Variants in CACNA2D3 observed in about 807,000 individuals in gnomAD.
CACNA2D3 encodes the protein voltage-dependent calcium channel subunit alpha-2/delta-3.
Under a neutral mutation model 160.6 loss-of-function variants are expected in CACNA2D3, and 60 were observed. The observed-to-expected ratio is 0.37, with a 90% CI of 0.30 to 0.46. The LOEUF is 0.46. Ranked by LOEUF, CACNA2D3 falls within the 20% of genes least tolerant of loss-of-function variation. CACNA2D3 has a pLI of 1.00. For missense variants in CACNA2D3, 1,205 were observed against 1,365.0 expected, an observed-to-expected ratio of 0.88 and a Z score of 1.85; for synonymous variants, 558 against 492.9, an observed-to-expected ratio of 1.13 and a Z score of -1.75.
In CACNA2D3 at chr3:54,794,607, T is replaced by A. The variant is rs36080102; in HGVS notation, c.1381-22246T>A. 8.3e-3 allele frequency among the ~76,000 whole-genome samples: 1,184 copies of A among 143,226 alleles called. 16 individuals are homozygous for A. Among genetic ancestry groups the A allele is most frequent in the African/African-American group, 0.025 (946 of 37,676 alleles). 94.0% of individuals were successfully genotyped at this position (143,226 alleles called of 152,430 possible). ...TGGCAGTGAGTTCTCTCAGATATAT[T>A]TTTTTTTTTTTTGGTATGAAAGCAT... On this transcript the variant is annotated intron_variant, in intron 13 of 37. Coordinates refer to ENST00000474759, the MANE Select transcript of CACNA2D3 (RefSeq NM_018398.3).
chr3:54,808,773 A>G (rs1005010554), intron 13 of CACNA2D3, among the ~76,000 whole-genome samples: 2 of 152,158 alleles, frequency 1.3e-5, no homozygotes, highest in East Asian at 3.9e-4. Flanking sequence ...CTCAGACCCT[A>G]TCATTTCTTC....
chr3:54,385,045 T>TA (rs1699165932), intron 3 of CACNA2D3, among the ~76,000 whole-genome samples: 1 of 152,108 alleles, frequency 6.6e-6, no homozygotes, highest in South Asian at 2.1e-4. Context: ...TTTACAAAGT[T>TA]AAATAAGAGT....
chr3:54,704,381 A>G (rs1456105248), intron 11 of CACNA2D3, among the ~76,000 whole-genome samples: 1 of 152,222 alleles, frequency 6.6e-6, no homozygotes, highest in Non-Finnish European at 1.5e-5. Context: ...TTGTAAGGAC[A>G]GCTAAAACCT....
At chr3:54,771,690 A>G (rs1455994868) in intron 13 of CACNA2D3, among the ~76,000 whole-genome samples, 3 of 152,184 alleles carry the variant, frequency 2.0e-5, no homozygotes, top group Non-Finnish European at 4.4e-5. Context: ...AGCTTCTTCC[A>G]TTAAGTCAGG....
intron 27 of CACNA2D3, chr3:54,927,904 C>T: frequency 1.2e-6 from 2 of 1,613,724 alleles, no homozygotes; most frequent in Non-Finnish European, 1.7e-6. Flanking sequence ...TCAGGGCTCA[C>T]CTTTCATGAC....
At chr3:54,452,306 TACTC>T (rs774147641) in intron 4 of CACNA2D3, among the ~76,000 whole-genome samples, 72 of 152,294 alleles carry the variant, frequency 4.7e-4, no homozygotes, top group Non-Finnish European at 9.3e-4. Context: ...TCATGAGACT[TACTC>T]ACTGCCATGG....
chr3:54,177,566 C>G (rs1700700974), intron 2 of CACNA2D3, among the ~76,000 whole-genome samples: 1 of 152,176 alleles, frequency 6.6e-6, no homozygotes, highest in South Asian at 2.1e-4. Flanking sequence ...CACTTGCATC[C>G]TGCAGTTACA....
chr3:54,439,333 T>TGTGTGTGTGTGTGTGTGTG (rs869041749), intron 4 of CACNA2D3, among the ~76,000 whole-genome samples: 5 of 147,860 alleles, frequency 3.4e-5, no homozygotes, highest in African/African-American at 7.7e-5. Context: ...GTGTGTGTGT[T>TGTGTGTGTGTGTGTGTGTG]TGTGTGTGAA....
chr3:54,325,195 ATATG>A (rs1422227773), intron 3 of CACNA2D3, among the ~76,000 whole-genome samples: 1 of 152,162 alleles, frequency 6.6e-6, no homozygotes, highest in Non-Finnish European at 1.5e-5. Flanking sequence ...TGGGAAGAGA[ATATG>A]TAGGAAGTAA....
chr3:54,400,843 C>G (rs915224277), intron 4 of CACNA2D3, among the ~76,000 whole-genome samples: 1 of 152,056 alleles, frequency 6.6e-6, no homozygotes, highest in Admixed American at 6.5e-5. Flanking sequence ...CATGAAAAAG[C>G]AAGGAAACAG....
intron 3 of CACNA2D3, among the ~76,000 whole-genome samples, chr3:54,379,499 A>C (rs1339825024): frequency 1.3e-5 from 2 of 152,252 alleles, no homozygotes; most frequent in Non-Finnish European, 2.9e-5. Flanking sequence ...GCAGCATTGC[A>C]GGGTGGCAGG....
intron 3 of CACNA2D3, among the ~76,000 whole-genome samples, chr3:54,352,702 T>A (rs1477944157): frequency 6.6e-6 from 1 of 152,180 alleles, no homozygotes; most frequent in Non-Finnish European, 1.5e-5. Context: ...AATGTCACCT[T>A]CCACTGTGAG....
chr3:54,696,296 T>C (rs1337906602), intron 11 of CACNA2D3, among the ~76,000 whole-genome samples: 3 of 151,960 alleles, frequency 2.0e-5, no homozygotes, highest in African/African-American at 4.8e-5. Context: ...GGCTGGAAGG[T>C]CCCCCCATTC....
At chr3:54,727,414 C>A (rs556441314) in intron 11 of CACNA2D3, among the ~76,000 whole-genome samples, 1 of 152,274 alleles carries the variant, frequency 6.6e-6, no homozygotes, top group South Asian at 2.1e-4. Context: ...TGGGTATATA[C>A]CCAAAAGATT....
At chr3:54,878,716 A>T (rs746411420) in intron 18 of CACNA2D3, 39 of 248,126 alleles carry the variant, frequency 1.6e-4, no homozygotes, top group Non-Finnish European at 2.6e-4. Flanking sequence ...CTTGCTCGGC[A>T]TTTCAGCGGG....
chr3:54,360,501 T>A (rs768986248), intron 3 of CACNA2D3, among the ~76,000 whole-genome samples: 5 of 152,134 alleles, frequency 3.3e-5, no homozygotes, highest in Non-Finnish European at 5.9e-5. Context: ...TTATCCCTCT[T>A]GTGGCAGGAC....
intron 13 of CACNA2D3, among the ~76,000 whole-genome samples, chr3:54,804,569 C>G (rs1339255867): frequency 6.6e-6 from 1 of 152,160 alleles, no homozygotes; most frequent in Non-Finnish European, 1.5e-5. Context: ...GAGTGACCTA[C>G]AAAGAGACTT....
At chr3:54,918,635 T>C in intron 27 of CACNA2D3, 1 of 1,614,100 alleles carries the variant, frequency 6.2e-7, no homozygotes, top group Non-Finnish European at 8.5e-7. Context: ...ATGATGACAG[T>C]GGCAATGGCA....
At chr3:55,068,396 T>G (rs1486178135) in intron 35 of CACNA2D3, among the ~76,000 whole-genome samples, 1 of 152,222 alleles carries the variant, frequency 6.6e-6, no homozygotes, top group Non-Finnish European at 1.5e-5. Flanking sequence ...GGAAGACACT[T>G]CATATGTTCT....
Sources: gnomAD v4.1 joint callset for allele counts (sites outside exome capture counted in the v4.1 genomes callset) on GRCh38, gnomAD v4.1.1 for gene constraint, MANE v1.5 for transcripts, NCBI Gene and HGNC (gene_info 2026-07-23, HGNC 2026-07-21) for gene names.